TMEM8B: variants seen among roughly 807,000 people sequenced by gnomAD.
The protein encoded by TMEM8B is transmembrane protein 8B.
Under a neutral mutation model 49.3 loss-of-function variants are expected in TMEM8B, and 29 were observed. That is an observed-to-expected ratio of 0.59 (90% confidence interval 0.44 to 0.80). The LOEUF (loss-of-function observed/expected upper bound fraction) is 0.80, where lower values mean the gene tolerates loss of function less well. Among genes scored for constraint, TMEM8B ranks in the 30% least tolerant of loss-of-function variants. The pLI, the probability that TMEM8B is intolerant of heterozygous loss-of-function variation, is 0.00. For missense variants in TMEM8B, 575 were observed against 658.5 expected (o/e 0.87, Z 1.39); for synonymous variants, 264 against 272.8 (o/e 0.97, Z 0.32).
In TMEM8B at chr9:35,859,148, C is replaced by T. The variant is rs570362384; in HGVS notation, c.*5308C>T. The T allele has an allele frequency of 5.1e-5, 8 of 155,520 alleles. No individual in the cohort carries two copies. The highest frequency in any genetic ancestry group is 1.9e-4 in the East Asian group (1 of 5,308). The allele number at this position is 155,520 out of a possible 1,614,324, so 9.6% of individuals were successfully genotyped here. A position where few individuals can be genotyped will look rare whatever the true frequency, so the allele number is the denominator to read the frequency against. ...TGTAAATGATGGGGTTCAGCGAGGG[C>T]GTCACAACCCCGTAGAACAATGCGA... On this transcript the variant is annotated 3_prime_UTR_variant, in exon 13 of 13. Transcript: ENST00000643932.
intron 2 of TMEM8B, 115 bp downstream of exon 2, chr9:35,834,765 G>C (rs1202111626): frequency 4.9e-6 from 2 of 410,844 alleles, no homozygotes; most frequent in East Asian, 7.1e-5. Context: ...CCAGATTGAA[G>C]TGTGACTGAG....
Position 35,842,477 on chromosome 9 carries a change from C to T in TMEM8B, c.1395C>T (p.Pro465=). Residue 465 remains proline (P), a synonymous_variant, in exon 6 of 13, where the codon CCC becomes CCT. Transcript: ENST00000643932. The surrounding 1 kb of genome is among the most constrained non-coding windows in gnomAD (Gnocchi z 5.6). The part of the protein sequence containing the change: ...MPQSLGNQPL[P]PEPPSLGTPA... The stretch of plus-strand genomic sequence containing the variant: ...AGTCCCTGGGCAACCAGCCACTGCC[C>T]CCAGAACCGCCATCCCTTGGAACCC... 2.5e-6 allele frequency: 4 copies of T among 1,597,780 alleles called. No homozygotes were observed. The highest frequency in any genetic ancestry group is 3.4e-6 in the Non-Finnish European group (4 of 1,169,402).
At chr9:35,831,755 T>C (rs1339303537) in intron 1 of TMEM8B, among the ~76,000 whole-genome samples, 1 of 152,166 alleles carries the variant, frequency 6.6e-6, no homozygotes, top group African/African-American at 2.4e-5. Context: ...CAGAAGCAGG[T>C]TCAGGTGCTT....
At chr9:35,834,733 C>T (rs371008067) in intron 2 of TMEM8B, 83 bp downstream of exon 2, 29 of 413,494 alleles carry the variant, frequency 7.0e-5, no homozygotes, top group East Asian at 6.1e-4. Flanking sequence ...ACTGACCTCC[C>T]GACCCTGACC....
At position 35,853,536 on chromosome 9, in the gene TMEM8B, A is replaced by G. The variant is rs1239197191; in HGVS notation, c.2471A>G (p.Tyr824Cys). Residue 824 changes from tyrosine to cysteine, a missense_variant, in exon 13 of 13, where the codon TAC becomes TGC. Physicochemically the swap from Tyr to Cys is radical, Grantham distance 194. Coordinates refer to ENST00000643932, the MANE Select transcript of TMEM8B (RefSeq NM_001042590.4). This position sits in a 1 kb window ranked among gnomAD's most constrained non-coding sequence, Gnocchi z 4.2. ...CGCAGCGTCCGCCGCCGGCACTGCTACCCACCCACGTGGCGCCGCTGGCTT... is the reference window on the plus strand; with the variant it reads ...CGCAGCGTCCGCCGCCGGCACTGCTGCCCACCCACGTGGCGCCGCTGGCTT... Reference protein sequence around the residue: ...TVRSVRRRHCYPPTWRRWLFY... With the variant: ...TVRSVRRRHCCPPTWRRWLFY... 6.2e-7 allele frequency: 1 copy of G among 1,613,980 alleles called. No individual in the cohort carries two copies. The highest frequency in any genetic ancestry group is 8.5e-7 in the Non-Finnish European group (1 of 1,179,980).
rs1326051301 is a variant in TMEM8B at position 35,863,686 on chromosome 9, G to A, written c.*9846G>A. Reference sequence around the variant, plus strand: ...GTTCTCAGAGCCCCTGGCAGATGGAGGCTCCACCCTGTGGGACGTCACCAG... The same window carrying A: ...GTTCTCAGAGCCCCTGGCAGATGGAAGCTCCACCCTGTGGGACGTCACCAG... On this transcript the variant is annotated 3_prime_UTR_variant, in exon 13 of 13. Transcript: ENST00000643932. 6.6e-6 allele frequency: 1 copy of A among 152,216 alleles called. No homozygotes were observed. The highest frequency in any genetic ancestry group is 1.5e-5 in the Non-Finnish European group (1 of 68,050). 9.4% of individuals were successfully genotyped at this position (152,216 alleles called of 1,614,324 possible). A position where few individuals can be genotyped will look rare whatever the true frequency, so the allele number is the denominator to read the frequency against.
intron 10 of TMEM8B, among the ~76,000 whole-genome samples, chr9:35,850,698 C>T (rs755577397): frequency 6.6e-6 from 1 of 152,100 alleles, no homozygotes; most frequent in Non-Finnish European, 1.5e-5. Context: ...CAATTATTCC[C>T]CTAGATGTGT....
chr9:35,849,539 G>T (rs913085317), intron 10 of TMEM8B, among the ~76,000 whole-genome samples: 3 of 152,110 alleles, frequency 2.0e-5, no homozygotes, highest in African/African-American at 7.2e-5. Context: ...TTGTAGATAA[G>T]GGAAAGTTAA....
rs1180877113 is a variant in TMEM8B, at chr9:35,841,350, A to G, written c.1040+83A>G. The G allele has an allele frequency of 4.8e-6, 2 of 414,934 alleles. No individual in the cohort carries two copies. Among genetic ancestry groups the G allele is most frequent in the Non-Finnish European group, 8.8e-6 (2 of 227,130 alleles). The allele number at this position is 414,934 out of a possible 1,614,324, so 25.7% of individuals were successfully genotyped here. On this transcript the variant is annotated intron_variant, in intron 4 of 12. Transcript: ENST00000643932. The surrounding 1 kb of genome is among the most constrained non-coding windows in gnomAD (Gnocchi z 5.9). ...TGCAGGGTTCTCTCTTGGCTTCTCC[A>G]CCTACCTGCCTGGTCCCTGGGTGGG...
chr9:35,831,478 G>A (rs192021474), intron 1 of TMEM8B, among the ~76,000 whole-genome samples: 23 of 152,336 alleles, frequency 1.5e-4, no homozygotes, highest in Non-Finnish European at 2.9e-5. Context: ...CCCAGCCAGT[G>A]CCTTTGAAGG....
Position 35,829,931 on chromosome 9 carries a change from T to C in TMEM8B, c.484T>C (p.Phe162Leu). ...LPPALLLLLL[F>L]SVLGPGAGGL... ...GCCAGCCCTATTGCTGCTGTTGCTG[T>C]TCTCTGTCCTTGGCCCAGGGGCTGG... The change falls in exon 1 of 13, where the codon TTC (phenylalanine) becomes CTC (leucine). Residue 162 changes from phenylalanine (F) to leucine (L), a missense_variant. Transcript: ENST00000643932. The C allele has an allele frequency of 2.4e-6, 1 of 416,076 alleles. No homozygotes were observed. Among genetic ancestry groups the C allele is most frequent in the East Asian group, 3.6e-5 (1 of 28,086 alleles). The allele number at this position is 416,076 out of a possible 1,614,324, so 25.8% of individuals were successfully genotyped here.
chr9:35,853,991 C>T lies in TMEM8B; in HGVS notation c.*151C>T, dbSNP rs1832395519. 1 of 1,355,246 alleles carries T rather than the reference C, an allele frequency of 7.4e-7. No homozygotes were observed. The highest frequency in any genetic ancestry group is 3.3e-5 in the Admixed American group (1 of 29,940). The allele number at this position is 1,355,246 out of a possible 1,614,324, so 84.0% of individuals were successfully genotyped here. A position where few individuals can be genotyped will look rare whatever the true frequency, so the allele number is the denominator to read the frequency against. ...CAAAACTCTTCCAGGGACCTGGAGC[C>T]CTTCCCAGGACATGGAGAACTTCCT... On this transcript the variant is annotated 3_prime_UTR_variant, in exon 13 of 13. Coordinates refer to ENST00000643932, the MANE Select transcript of TMEM8B (RefSeq NM_001042590.4). This position sits in a 1 kb window ranked among gnomAD's most constrained non-coding sequence, Gnocchi z 4.2.
At position 35,852,926 on chromosome 9, in the gene TMEM8B, T is replaced by C; in HGVS notation, c.2275T>C (p.Trp759Arg). Residue 759 changes from tryptophan (W) to arginine (R), a missense_variant, in exon 11 of 13, where the codon TGG (tryptophan) becomes CGG (arginine). By Grantham distance (101) the Trp-to-Arg change is moderately radical. Coordinates refer to ENST00000643932, the MANE Select transcript of TMEM8B (RefSeq NM_001042590.4). Reference protein sequence around the residue: ...CDFLGSLMSVWVTVIAMARLQ... With the variant: ...CDFLGSLMSVRVTVIAMARLQ... ...TTTCCTGGGCTCCTTAATGTCCGTG[T>C]GGGTCACTGTCATTGCCATGGCTCG... 6.8e-6 allele frequency: 11 copies of C among 1,614,238 alleles called. No individual in the cohort carries two copies. Among genetic ancestry groups the C allele is most frequent in the Non-Finnish European group, 9.3e-6 (11 of 1,180,048 alleles).
intron 3 of TMEM8B, 67 bp downstream of exon 3, chr9:35,835,285 C>T (rs1326305976): frequency 2.4e-6 from 1 of 410,728 alleles, no homozygotes. Flanking sequence ...ATTCCCCCCA[C>T]AGGCTCTCTG....
chr9:35,834,702 C>T lies in TMEM8B; in HGVS notation c.698+52C>T, dbSNP rs73444847. 2,247 of 415,456 alleles carry T rather than the reference C, an allele frequency of 5.4e-3. 35 individuals carry two copies. The highest frequency in any genetic ancestry group is 0.038 in the African/African-American group (1,873 of 48,790). The allele number at this position is 415,456 out of a possible 1,614,324, so 25.7% of individuals were successfully genotyped here. ...CCCACTTCCAATCCCTGACCACTTT[C>T]CAGACTAAAGTGTGACTTTAACTGA... On this transcript the variant is annotated intron_variant, in intron 2 of 12. Transcript: ENST00000643932.
chr9:35,853,111 C>A lies in TMEM8B; in HGVS notation c.2323-30C>A. ...CTGGAGTGCTGTCTGTCACCTGGCC[C>A]TAGCCCAGCCCTTGAGTCTCTTTCT... On this transcript the variant is annotated intron_variant, in intron 11 of 12. Coordinates refer to ENST00000643932, the MANE Select transcript of TMEM8B (RefSeq NM_001042590.4). The surrounding 1 kb of genome is among the most constrained non-coding windows in gnomAD (Gnocchi z 4.2). 1.2e-6 allele frequency: 2 copies of A among 1,611,166 alleles called. No individual in the cohort carries two copies. Among genetic ancestry groups the A allele is most frequent in the Middle Eastern group, 3.3e-4 (2 of 6,050 alleles).
intron 10 of TMEM8B, among the ~76,000 whole-genome samples, chr9:35,848,349 C>G (rs1831815303): frequency 6.6e-6 from 1 of 152,202 alleles, no homozygotes; most frequent in South Asian, 2.1e-4. Flanking sequence ...GCCAGATGCC[C>G]TTTCTACTGT....
At chr9:35,848,507 C>T (rs1012661459) in intron 10 of TMEM8B, among the ~76,000 whole-genome samples, 4 of 152,132 alleles carry the variant, frequency 2.6e-5, no homozygotes, top group East Asian at 1.9e-4. Context: ...CTGGACTTGA[C>T]ACAAGTATCC....
rs756194300 is a variant in TMEM8B, at chr9:35,865,138, G to A, written c.*11298G>A. ...GTGGGCATAGGAGAGAGAGTGGACA[G>A]AGAATCTGAATACTGGGTCACGTTG... is the stretch of plus-strand genomic sequence containing the variant. On this transcript the variant is annotated 3_prime_UTR_variant, in exon 13 of 13. Coordinates refer to ENST00000643932, the MANE Select transcript of TMEM8B (RefSeq NM_001042590.4). 1 of 152,260 alleles carries A rather than the reference G, an allele frequency of 6.6e-6. No individual in the cohort carries two copies. The highest frequency in any genetic ancestry group is 6.5e-5 in the Admixed American group (1 of 15,284). The allele number at this position is 152,260 out of a possible 1,614,324, so 9.4% of individuals were successfully genotyped here. A position where few individuals can be genotyped will look rare whatever the true frequency, so the allele number is the denominator to read the frequency against.
Sources: allele counts gnomAD v4.1 joint callset (sites outside exome capture counted in the v4.1 genomes callset), GRCh38; gene constraint gnomAD v4.1.1; non-coding constraint Gnocchi (gnomAD v3.1); transcripts MANE v1.5; gene names NCBI Gene and HGNC (gene_info 2026-07-23, HGNC 2026-07-21).